The following SIPA1L2 variants were observed in gnomAD, a reference collection of about 807,000 sequenced individuals.
SIPA1L2 encodes the protein signal-induced proliferation-associated 1-like protein 2.
SIPA1L2 carries 56 observed loss-of-function variants against 163.9 expected under a neutral mutation model. That is an observed-to-expected ratio of 0.34 (90% CI 0.28 to 0.43). The LOEUF is 0.43. SIPA1L2 is among the 20% of genes least tolerant of loss of function. The probability of loss-of-function intolerance (pLI) is 1.00; values close to 1 mark genes in which losing one functional copy is unlikely to be tolerated. For missense variants in SIPA1L2, 1,974 were observed against 2,193.5 expected, an observed-to-expected ratio of 0.90 and a Z score of 2.00; for synonymous variants, 877 against 865.7, an observed-to-expected ratio of 1.01 and a Z score of -0.23.
At chr1:232,492,823 C>A (rs1001075647) in intron 4 of SIPA1L2, among the ~76,000 whole-genome samples, 1 of 152,108 alleles carries the variant, frequency 6.6e-6, no homozygotes, top group African/African-American at 2.4e-5. Context: ...AAGGGACTTG[C>A]TTTGTCTCAG....
rs1436409768 is a variant in SIPA1L2, at chr1:232,515,353, G to A, written c.-14C>T. 2 of 1,561,578 alleles carry A rather than the reference G, an allele frequency of 1.3e-6. No individual in the cohort carries two copies. The highest frequency in any genetic ancestry group is 1.7e-6 in the Non-Finnish European group (2 of 1,154,602). On this transcript the variant is annotated 5_prime_UTR_variant, in exon 3 of 23. Transcript: ENST00000674635. ...TGGGTCACTCATGTCTACCGAGGAA[G>A]AGCCTCCAAGTCTCACCAGGAAGAC...
intron 2 of SIPA1L2, among the ~76,000 whole-genome samples, chr1:232,539,695 G>A (rs1424145124): frequency 1.3e-5 from 2 of 152,050 alleles, no homozygotes; most frequent in Non-Finnish European, 2.9e-5. Context: ...CATTCCCCCA[G>A]GCCCACCCTC....
At chr1:232,538,904 T>C (rs182973603) in intron 2 of SIPA1L2, among the ~76,000 whole-genome samples, 67 of 152,234 alleles carry the variant, frequency 4.4e-4, no homozygotes, top group African/African-American at 1.6e-3. Context: ...ATATAGAATA[T>C]CATGTTCTTT....
At chr1:232,573,464 T>C (rs1423286598) in intron 2 of SIPA1L2, among the ~76,000 whole-genome samples, 2 of 152,248 alleles carry the variant, frequency 1.3e-5, no homozygotes, top group East Asian at 1.9e-4. Flanking sequence ...GTGTGCATTG[T>C]TGTGTAGACA....
At chr1:232,575,599 C>T (rs563210971) in intron 1 of SIPA1L2, among the ~76,000 whole-genome samples, 35 of 151,998 alleles carry the variant, frequency 2.3e-4, no homozygotes, top group African/African-American at 8.2e-4. Context: ...AAATCTGATG[C>T]ATAATATAGT....
intron 4 of SIPA1L2, 83 bp from the exon 5 acceptor site, chr1:232,491,145 C>T (rs937793777): frequency 7.9e-7 from 1 of 1,269,048 alleles, no homozygotes; most frequent in Non-Finnish European, 1.1e-6. Context: ...TGCCTTAAGA[C>T]AGGAAAAAGA....
chr1:232,522,500 C>CTT (rs5781702), intron 2 of SIPA1L2, among the ~76,000 whole-genome samples: 4,101 of 144,108 alleles, frequency 0.028, 96 homozygotes, highest in African/African-American at 0.063. Flanking sequence ...AGCATTGTGC[C>CTT]TTTTTTTTTT....
intron 2 of SIPA1L2, among the ~76,000 whole-genome samples, chr1:232,573,634 C>A (rs139446113): frequency 1.4e-3 from 208 of 152,230 alleles, no homozygotes; most frequent in African/African-American, 4.8e-3. Context: ...AGTAAGGGAG[C>A]ACCTCTGCCT....
intron 10 of SIPA1L2, among the ~76,000 whole-genome samples, chr1:232,456,309 T>C (rs986207151): frequency 5.3e-5 from 8 of 152,174 alleles, no homozygotes; most frequent in Non-Finnish European, 1.2e-4. Flanking sequence ...CTCTCCTCTC[T>C]GCATACTTCA....
intron 1 of SIPA1L2, among the ~76,000 whole-genome samples, chr1:232,625,437 C>T (rs1663022790): frequency 6.6e-6 from 1 of 152,056 alleles, no homozygotes; most frequent in African/African-American, 2.4e-5. Context: ...AAAGCAAAAC[C>T]ACAGCGCAAT....
At position 232,583,035 on chromosome 1, in the gene SIPA1L2, A is replaced by G. The variant is rs1023204253; in HGVS notation, c.-318-8813T>C. 3.3e-5 allele frequency among the ~76,000 whole-genome samples: 5 copies of G among 152,178 alleles called. No individual in the cohort carries two copies. The East Asian group carries it at 7.7e-4, about 23-fold the overall frequency. ...AGTCAAGGCAACCAGGCCACTAGCA[A>G]TATCTCCTATTTATTTTTCCAGCTT... On this transcript the variant is annotated intron_variant, in intron 1 of 22. Transcript: ENST00000674635.
intron 5 of SIPA1L2, 167 bp downstream of exon 5, chr1:232,490,707 C>A: frequency 1.4e-6 from 1 of 704,282 alleles, no homozygotes; most frequent in Non-Finnish European, 2.3e-6. Flanking sequence ...ATAATGGCAT[C>A]ATGTTTCCAA....
intron 7 of SIPA1L2, among the ~76,000 whole-genome samples, chr1:232,477,693 G>C (rs1475163559): frequency 6.6e-6 from 1 of 152,120 alleles, no homozygotes; most frequent in African/African-American, 2.4e-5. Flanking sequence ...ATTTTTTCAA[G>C]GCTAGTTTCA....
chr1:232,622,408 C>G (rs1362388338), intron 1 of SIPA1L2, among the ~76,000 whole-genome samples: 1 of 152,158 alleles, frequency 6.6e-6, no homozygotes, highest in Non-Finnish European at 1.5e-5. Flanking sequence ...TAGAAATGAA[C>G]CCTGCTAATG....
At chr1:232,429,236 C>A (rs1236284405) in intron 16 of SIPA1L2, among the ~76,000 whole-genome samples, 1 of 152,134 alleles carries the variant, frequency 6.6e-6, no homozygotes, top group Non-Finnish European at 1.5e-5. Context: ...TCTGAGCAAC[C>A]AAATATTCCT....
At chr1:232,462,253 T>C in intron 9 of SIPA1L2, 3 of 1,550,896 alleles carry the variant, frequency 1.9e-6, no homozygotes, top group South Asian at 2.4e-5. Context: ...ACCCGATGAC[T>C]ATGACCTCAC....
At chr1:232,533,888 T>C (rs1394420152) in intron 2 of SIPA1L2, among the ~76,000 whole-genome samples, 1 of 152,144 alleles carries the variant, frequency 6.6e-6, no homozygotes, top group African/African-American at 2.4e-5. Context: ...AGGGAATATA[T>C]ATTAAAAAAT....
chr1:232,413,714 GC>G (rs1477211554), intron 19 of SIPA1L2, among the ~76,000 whole-genome samples: 1 of 152,170 alleles, frequency 6.6e-6, no homozygotes, highest in Non-Finnish European at 1.5e-5. Context: ...AATAAAAGAG[GC>G]AGCCTTCTCT....
chr1:232,493,900 C>T (rs951751604), intron 3 of SIPA1L2, among the ~76,000 whole-genome samples: 1 of 152,178 alleles, frequency 6.6e-6, no homozygotes, highest in African/African-American at 2.4e-5. Context: ...CAGCAAAAGC[C>T]TCCCTAACCC....
Sources: allele counts gnomAD v4.1 joint callset (sites outside exome capture counted in the v4.1 genomes callset), GRCh38; gene constraint gnomAD v4.1.1; transcripts MANE v1.5; gene names NCBI Gene and HGNC (gene_info 2026-07-23, HGNC 2026-07-21).